The following SCAMP1 variants were observed in gnomAD, a reference collection of about 807,000 sequenced individuals.
The protein encoded by SCAMP1 is secretory carrier-associated membrane protein 1.
SCAMP1 carries 15 observed loss-of-function variants against 41.8 expected under a neutral mutation model. The ratio of observed to expected loss-of-function variants is 0.36; its 90% CI spans 0.24 to 0.55. The LOEUF is 0.55. SCAMP1 is among the 20% of genes least tolerant of loss of function. SCAMP1 has a pLI of 0.86. For missense variants in SCAMP1, 341 were observed against 412.6 expected, an observed-to-expected ratio of 0.83 and a Z score of 1.50; for synonymous variants, 135 against 136.8, an observed-to-expected ratio of 0.99 and a Z score of 0.09.
intron 8 of SCAMP1, among the ~76,000 whole-genome samples, chr5:78,460,820 C>CCTTCTTTCTTTCTTTCTTTCTTTCTTT (rs1580715544): frequency 2.8e-4 from 8 of 28,238 alleles, no homozygotes; most frequent in Non-Finnish European, 4.8e-4. Flanking sequence ...TTCCTTCCTT[C>CCTTCTTTCTTTCTTTCTTTCTTTCTTT]CTTTCTTGTC....
chr5:78,454,861 T>G (rs1173931058), intron 7 of SCAMP1, among the ~76,000 whole-genome samples: 1,580 of 152,264 alleles, frequency 0.01, 23 homozygotes, highest in African/African-American at 0.036. Context: ...CAATTTCAGA[T>G]CCTGTTATTG....
chr5:78,456,006 C>A (rs1204460700), intron 7 of SCAMP1, among the ~76,000 whole-genome samples: 14 of 55,230 alleles, frequency 2.5e-4, no homozygotes, highest in Middle Eastern at 0.011. Flanking sequence ...AGGATTGCAA[C>A]CCCTGCCTTT....
intron 6 of SCAMP1, among the ~76,000 whole-genome samples, chr5:78,434,682 C>A (rs1422004545): frequency 6.6e-6 from 1 of 151,946 alleles, no homozygotes; most frequent in Non-Finnish European, 1.5e-5. Flanking sequence ...TAAAGGTAAA[C>A]CTGTTTGTGA....
chr5:78,459,484 C>T (rs1048934391), intron 8 of SCAMP1, 122 bp downstream of exon 8: 20 of 581,658 alleles, frequency 3.4e-5, no homozygotes, highest in African/African-American at 2.5e-4. Flanking sequence ...AGTTTGCTCT[C>T]TGAGGATTAC....
intron 2 of SCAMP1, among the ~76,000 whole-genome samples, chr5:78,397,059 G>T (rs566295795): frequency 6.6e-6 from 1 of 152,182 alleles, no homozygotes; most frequent in African/African-American, 2.4e-5. Flanking sequence ...AGAGAAATGG[G>T]GGCTGGAAAG....
At chr5:78,438,455 C>G (rs1440484222) in intron 6 of SCAMP1, among the ~76,000 whole-genome samples, 1 of 152,032 alleles carries the variant, frequency 6.6e-6, no homozygotes, top group African/African-American at 2.4e-5. Context: ...TTATTTCTGC[C>G]TTCATTTCGT....
chr5:78,362,276 C>G (rs987821417), intron 1 of SCAMP1, among the ~76,000 whole-genome samples: 3 of 152,168 alleles, frequency 2.0e-5, no homozygotes, highest in African/African-American at 7.2e-5. Flanking sequence ...TCAGATAATT[C>G]ACTGACGCTG....
At chr5:78,441,507 G>C (rs1752923770) in intron 6 of SCAMP1, among the ~76,000 whole-genome samples, 1 of 152,200 alleles carries the variant, frequency 6.6e-6, no homozygotes, top group Non-Finnish European at 1.5e-5. Flanking sequence ...AACTTTTCAA[G>C]TGGTATTAGT....
At chr5:78,383,214 G>A (rs1751254049) in intron 1 of SCAMP1, among the ~76,000 whole-genome samples, 1 of 152,048 alleles carries the variant, frequency 6.6e-6, no homozygotes, top group African/African-American at 2.4e-5. Context: ...TTTTTCATAT[G>A]TTTATGGGCC....
chr5:78,415,416 G>C, intron 2 of SCAMP1, 104 bp from the exon 3 acceptor site: 1 of 666,096 alleles, frequency 1.5e-6, no homozygotes, highest in South Asian at 1.9e-5. Context: ...GGAATGAAGA[G>C]ATGCAGATTT....
At chr5:78,366,039 C>T (rs1750786887) in intron 1 of SCAMP1, among the ~76,000 whole-genome samples, 1 of 152,082 alleles carries the variant, frequency 6.6e-6, no homozygotes, top group African/African-American at 2.4e-5. Flanking sequence ...GATCAAGGTC[C>T]CAGCAGATTC....
chr5:78,370,709 G>A (rs1453976224), intron 1 of SCAMP1: 1 of 152,140 alleles, frequency 6.6e-6, no homozygotes, highest in African/African-American at 2.4e-5. Flanking sequence ...AAGTGGAATT[G>A]CCTAGTCATA....
At chr5:78,459,608 A>G (rs1753532514) in intron 8 of SCAMP1, among the ~76,000 whole-genome samples, 1 of 150,038 alleles carries the variant, frequency 6.7e-6, no homozygotes, top group African/African-American at 2.5e-5. Flanking sequence ...TTCATGAGTT[A>G]AAGAGTCAGC....
intron 7 of SCAMP1, among the ~76,000 whole-genome samples, chr5:78,454,227 G>A (rs1753322120): frequency 6.6e-6 from 1 of 152,098 alleles, no homozygotes; most frequent in Admixed American, 6.5e-5. Context: ...ATGTTGAATA[G>A]GAGTGGTGAG....
chr5:78,427,335 T>G (rs1752492625), intron 6 of SCAMP1, among the ~76,000 whole-genome samples: 1 of 152,144 alleles, frequency 6.6e-6, no homozygotes, highest in Non-Finnish European at 1.5e-5. Flanking sequence ...CACCAGGCCA[T>G]TCATGAGGGA....
At chr5:78,373,761 A>G (rs1415560343) in intron 1 of SCAMP1, among the ~76,000 whole-genome samples, 3 of 152,124 alleles carry the variant, frequency 2.0e-5, no homozygotes, top group South Asian at 2.1e-4. Flanking sequence ...CCTCTATGGT[A>G]TCTGATAACA....
At position 78,401,834 on chromosome 5, in the gene SCAMP1, G is replaced by T. The variant is rs1174809234; in HGVS notation, c.135+12920G>T. On this transcript the variant is annotated intron_variant, in intron 2 of 8. Coordinates refer to ENST00000621999, the MANE Select transcript of SCAMP1 (RefSeq NM_004866.6). ...TTGATTTTCTGTTTTTAATTTCGTT[G>T]ACTTGTGCTCTTATTTCTTTCCTTC... Among the ~76,000 whole-genome samples the T allele has an allele frequency of 2.6e-5, 4 of 151,972 alleles. No homozygotes were observed. In the East Asian group the frequency reaches 7.7e-4, roughly 29 times the overall value.
intron 6 of SCAMP1, among the ~76,000 whole-genome samples, chr5:78,440,709 T>C (rs181463344): frequency 2.9e-4 from 44 of 152,318 alleles, no homozygotes; most frequent in African/African-American, 8.7e-4. Context: ...AACTCCATGC[T>C]AGGACAACCA....
intron 2 of SCAMP1, among the ~76,000 whole-genome samples, chr5:78,413,686 G>A (rs1752138730): frequency 6.6e-6 from 1 of 152,184 alleles, no homozygotes; most frequent in African/African-American, 2.4e-5. Context: ...CCAAAGTGCT[G>A]GGATTACAAG....
Sources: allele counts gnomAD v4.1 joint callset (sites outside exome capture counted in the v4.1 genomes callset), GRCh38; gene constraint gnomAD v4.1.1; transcripts MANE v1.5; gene names NCBI Gene and HGNC (gene_info 2026-07-23, HGNC 2026-07-21).